The following PHACTR1 variants were observed in gnomAD, a reference collection of about 807,000 sequenced individuals.
PHACTR1 encodes the protein phosphatase and actin regulator 1, also known as RPEL repeat containing 1.
A neutral mutation model predicts 69.2 loss-of-function variants in PHACTR1; 16 were observed. The observed-to-expected ratio is 0.23, with a 90% CI of 0.16 to 0.35. The LOEUF is 0.35. Among genes scored for constraint, PHACTR1 ranks in the 10% least tolerant of loss-of-function variants. The pLI, the probability that PHACTR1 is intolerant of heterozygous loss-of-function variation, is 1.00. For synonymous variants in PHACTR1, 312 were observed against 284.5 expected (o/e 1.10, Z -0.97); for missense variants, 510 against 734.7 (o/e 0.69, Z 3.54).
chr6:13,014,091 A>G (rs1412990228), intron 4 of PHACTR1, among the ~76,000 whole-genome samples: 3 of 152,076 alleles, frequency 2.0e-5, no homozygotes, highest in Non-Finnish European at 4.4e-5. Context: ...AGGCAAGGAG[A>G]TCAAACACAT....
intron 7 of PHACTR1, among the ~76,000 whole-genome samples, chr6:13,194,197 G>C (rs910777654): frequency 5.9e-5 from 9 of 152,258 alleles, no homozygotes; most frequent in African/African-American, 1.7e-4. Flanking sequence ...GAGGTCAAGA[G>C]ATCAAGACCA....
intron 5 of PHACTR1, among the ~76,000 whole-genome samples, chr6:13,127,337 T>C (rs1356250713): frequency 6.6e-6 from 1 of 151,494 alleles, no homozygotes; most frequent in East Asian, 1.9e-4. Context: ...GAGGCAGAGG[T>C]GGGAGAATTG....
At chr6:13,258,362 G>GAAAAA (rs60311779) in intron 10 of PHACTR1, among the ~76,000 whole-genome samples, 3 of 144,882 alleles carry the variant, frequency 2.1e-5, no homozygotes, top group Non-Finnish European at 1.5e-5. Flanking sequence ...CTTAAAAAAA[G>GAAAAA]AAAAAAAAAA....
At chr6:13,160,154 A>G (rs1396590735) in intron 5 of PHACTR1, 50 bp from the exon 6 acceptor site, 1 of 1,521,206 alleles carries the variant, frequency 6.6e-7, no homozygotes, top group African/African-American at 1.4e-5. Flanking sequence ...TTTAGAAGAC[A>G]ACTTTGTTAC....
intron 4 of PHACTR1, among the ~76,000 whole-genome samples, chr6:12,912,482 G>T (rs1401194628): frequency 6.6e-6 from 1 of 152,144 alleles, no homozygotes; most frequent in African/African-American, 2.4e-5. Context: ...TAATTTTAGT[G>T]CATACCTCTA....
At chr6:13,218,995 G>A (rs1490809122) in intron 8 of PHACTR1, among the ~76,000 whole-genome samples, 2 of 152,092 alleles carry the variant, frequency 1.3e-5, no homozygotes, top group African/African-American at 2.4e-5. Context: ...TAGTTTAACA[G>A]AGTTAAAGAG....
intron 3 of PHACTR1, among the ~76,000 whole-genome samples, chr6:12,726,777 T>C (rs778912986): frequency 2.0e-5 from 3 of 152,218 alleles, no homozygotes; most frequent in Admixed American, 2.0e-4. Flanking sequence ...AATCCTCATC[T>C]GGACACGATT....
chr6:12,968,459 C>T (rs1330908731), intron 4 of PHACTR1, among the ~76,000 whole-genome samples: 1 of 152,128 alleles, frequency 6.6e-6, no homozygotes, highest in African/African-American at 2.4e-5. Flanking sequence ...AAAGTACATT[C>T]ACAGTATTGT....
intron 4 of PHACTR1, among the ~76,000 whole-genome samples, chr6:13,008,412 C>A (rs959957176): frequency 6.6e-5 from 10 of 152,196 alleles, no homozygotes; most frequent in African/African-American, 2.4e-4. Context: ...CTGAATATGA[C>A]CTCCACTTAC....
chr6:13,234,842 C>T (rs1771744596), intron 10 of PHACTR1, among the ~76,000 whole-genome samples: 1 of 152,180 alleles, frequency 6.6e-6, no homozygotes, highest in East Asian at 1.9e-4. Context: ...GTTCACGTTG[C>T]TCCTCCTCCA....
At chr6:13,231,067 GGAAGGAAGGAAGGAAGGAA>G (rs1353430929) in intron 10 of PHACTR1, among the ~76,000 whole-genome samples, 7,663 of 14,840 alleles carry the variant, frequency 0.52, 1,060 homozygotes, top group Admixed American at 0.63. Context: ...AAGGAAGGAA[GGAAGGAAGGAAGGAAGGAA>G]GAAGGAAGGA....
At chr6:13,005,238 C>T (rs1269709716) in intron 4 of PHACTR1, among the ~76,000 whole-genome samples, 6 of 151,234 alleles carry the variant, frequency 4.0e-5, no homozygotes, top group Non-Finnish European at 5.9e-5. Context: ...CCTAGGCTGA[C>T]CTTGAACTTA....
chr6:13,187,046 G>A (rs1762907539), intron 7 of PHACTR1, among the ~76,000 whole-genome samples: 2 of 152,104 alleles, frequency 1.3e-5, no homozygotes, highest in African/African-American at 2.4e-5. Flanking sequence ...TAGGGTTCGC[G>A]CTCATCTAAT....
intron 13 of PHACTR1, among the ~76,000 whole-genome samples, chr6:13,284,661 T>C (rs1483883852): frequency 2.7e-5 from 4 of 150,220 alleles, no homozygotes; most frequent in Non-Finnish European, 5.9e-5. Flanking sequence ...TCAGGGGCCT[T>C]CTGCTCAACA....
At chr6:13,053,628 G>T in intron 5 of PHACTR1, 99 bp downstream of exon 5, 1 of 1,377,678 alleles carries the variant, frequency 7.3e-7, no homozygotes, top group Non-Finnish European at 9.7e-7. Context: ...TGAACCAAAG[G>T]AGAAAAAATA....
intron 10 of PHACTR1, among the ~76,000 whole-genome samples, chr6:13,252,595 A>G (rs1318170376): frequency 6.6e-6 from 1 of 151,518 alleles, no homozygotes; most frequent in Non-Finnish European, 1.5e-5. Flanking sequence ...CATTCTTAAA[A>G]TCTGCCATGC....
intron 4 of PHACTR1, among the ~76,000 whole-genome samples, chr6:12,820,180 GTTGTT>G (rs1776047673): frequency 6.6e-6 from 1 of 152,006 alleles, no homozygotes; most frequent in Non-Finnish European, 1.5e-5. Context: ...TTTTTTTGTT[GTTGTT>G]TTGTTTTGTT....
At chr6:12,907,184 C>T (rs1785834312) in intron 4 of PHACTR1, among the ~76,000 whole-genome samples, 1 of 152,194 alleles carries the variant, frequency 6.6e-6, no homozygotes, top group Non-Finnish European at 1.5e-5. Flanking sequence ...TTTTCCGTTA[C>T]ATTACAAAAT....
chr6:12,915,625 A>G (rs767781979), intron 4 of PHACTR1, among the ~76,000 whole-genome samples: 6 of 152,006 alleles, frequency 3.9e-5, no homozygotes, highest in African/African-American at 1.2e-4. Context: ...CCAGTTTACT[A>G]TCACAGAGCA....
Sources: gnomAD v4.1 joint callset for allele counts (sites outside exome capture counted in the v4.1 genomes callset) on GRCh38, gnomAD v4.1.1 for gene constraint, MANE v1.5 for transcripts, NCBI Gene and HGNC (gene_info 2026-07-23, HGNC 2026-07-21) for gene names.